NUP210: variants seen among roughly 807,000 people sequenced by gnomAD.
NUP210 encodes nuclear pore membrane glycoprotein 210.
NUP210 carries 151 observed loss-of-function variants against 196.0 expected under a neutral mutation model. The ratio of observed to expected loss-of-function variants is 0.77; its 90% CI spans 0.67 to 0.88. The LOEUF is 0.88. Among genes scored for constraint, NUP210 ranks in the 40% least tolerant of loss-of-function variants. NUP210 has a pLI of 0.00. For synonymous variants in NUP210, 1,070 were observed against 1,052.7 expected, an observed-to-expected ratio of 1.02 and a Z score of -0.32; for missense variants, 2,314 against 2,493.7, an observed-to-expected ratio of 0.93 and a Z score of 1.53.
chr3:13,326,708 G>A (rs894280736), intron 32 of NUP210, among the ~76,000 whole-genome samples: 3 of 152,182 alleles, frequency 2.0e-5, no homozygotes, highest in Admixed American at 6.5e-5. Context: ...CCACTATGGC[G>A]GCCACTTCCC....
chr3:13,346,892 C>T (rs1447823380), intron 20 of NUP210, among the ~76,000 whole-genome samples: 1 of 152,236 alleles, frequency 6.6e-6, no homozygotes, highest in East Asian at 1.9e-4. Flanking sequence ...AAATCACAGG[C>T]ACTGAGTGGG....
In NUP210 at chr3:13,347,440, G is replaced by C. The variant is rs149043309; in HGVS notation, c.2836-4137C>G. ...TTAAATCGGATAAACACTCCTATGTGCAAACCAGCCGAAAACAAAATAAAG... is the reference window on the plus strand; with the variant it reads ...TTAAATCGGATAAACACTCCTATGTCCAAACCAGCCGAAAACAAAATAAAG... On this transcript the variant is annotated intron_variant, in intron 20 of 39. Transcript: ENST00000254508. The surrounding 1 kb of genome is among the most constrained non-coding windows in gnomAD (Gnocchi z 4.7). 44 of 629,664 alleles carry C rather than the reference G, an allele frequency of 7.0e-5. No individual in the cohort carries two copies. The East Asian group carries it at 5.6e-3, about 80-fold the overall frequency. The allele number at this position is 629,664 out of a possible 1,614,324, so 39.0% of individuals were successfully genotyped here. A position where few individuals can be genotyped will look rare whatever the true frequency, so the allele number is the denominator to read the frequency against.
At chr3:13,353,451 A>C in intron 18 of NUP210, 103 bp downstream of exon 18, 1 of 955,004 alleles carries the variant, frequency 1.0e-6, no homozygotes, top group South Asian at 1.4e-5. Context: ...GTGGTCAAGC[A>C]GACAGTGACT....
chr3:13,346,519 C>T (rs866037952), intron 20 of NUP210, among the ~76,000 whole-genome samples: 1 of 152,208 alleles, frequency 6.6e-6, no homozygotes, highest in African/African-American at 2.4e-5. Flanking sequence ...AAAGTTCTGT[C>T]AAGTCAGAGA....
chr3:13,376,382 G>A lies in NUP210; in HGVS notation c.1202C>T (p.Ser401Leu), dbSNP rs1366466764. The change falls in exon 10 of 40, where the codon TCG becomes TTG. Residue 401 changes from serine (S) to leucine (L), a missense_variant. Physicochemically the swap from Ser to Leu is moderately radical, Grantham distance 145. Coordinates refer to ENST00000254508, the MANE Select transcript of NUP210 (RefSeq NM_024923.4). ...ATGGTATGACCCATTCTGGGAGGAC[G>A]AGAGCACCTCGAAGAACTCAGCAGG... ...VLPAEFFEVL[S>L]SSQNGSYHRI... 8.1e-6 allele frequency: 13 copies of A among 1,614,218 alleles called. No homozygotes were observed. The highest frequency in any genetic ancestry group is 3.3e-5 in the South Asian group (3 of 91,086).
At chr3:13,386,533 T>C (rs1699282445) in intron 5 of NUP210, 126 bp from the exon 6 acceptor site, 2 of 1,257,212 alleles carry the variant, frequency 1.6e-6, no homozygotes, top group East Asian at 4.8e-5. Context: ...AAACAAGATA[T>C]CATTCCCAAA....
At chr3:13,341,674 G>T in intron 23 of NUP210, 74 bp downstream of exon 23, 1 of 1,532,512 alleles carries the variant, frequency 6.5e-7, no homozygotes, top group Non-Finnish European at 9.0e-7. Flanking sequence ...TAGCTTCCTG[G>T]ACTGTACTAT....
At chr3:13,319,695 G>T in intron 37 of NUP210, 68 bp downstream of exon 37, 1 of 1,379,372 alleles carries the variant, frequency 7.2e-7, no homozygotes, top group Non-Finnish European at 1.0e-6. Context: ...TCTACTGATA[G>T]CCAGGACCAC....
At chr3:13,371,259 A>G (rs1205970470) in intron 13 of NUP210, among the ~76,000 whole-genome samples, 1 of 152,214 alleles carries the variant, frequency 6.6e-6, no homozygotes. Flanking sequence ...AGGCAGCTAC[A>G]GCTACACAGC....
chr3:13,347,224 C>T lies in NUP210; in HGVS notation c.2836-3921G>A. 2.0e-6 allele frequency: 2 copies of T among 985,310 alleles called. No homozygotes were observed. Among genetic ancestry groups the T allele is most frequent in the Non-Finnish European group, 2.4e-6 (2 of 829,836 alleles). 61.0% of individuals were successfully genotyped at this position (985,310 alleles called of 1,614,324 possible). A position where few individuals can be genotyped will look rare whatever the true frequency, so the allele number is the denominator to read the frequency against. ...GGAGCTGGGCCCCCCGGCTTCATTC[C>T]CTCCTGAATCCGCAGTGCTTAACAC... On this transcript the variant is annotated intron_variant, in intron 20 of 39. Transcript: ENST00000254508. The surrounding 1 kb of genome is among the most constrained non-coding windows in gnomAD (Gnocchi z 4.7).
chr3:13,334,675 G>A (rs182145387), intron 28 of NUP210, among the ~76,000 whole-genome samples: 27 of 152,264 alleles, frequency 1.8e-4, no homozygotes, highest in African/African-American at 5.1e-4. Context: ...GGAGCAGAAC[G>A]AGGCCCTTGA....
chr3:13,410,777 G>A (rs1258622557), intron 1 of NUP210, among the ~76,000 whole-genome samples: 3 of 151,638 alleles, frequency 2.0e-5, no homozygotes, highest in Non-Finnish European at 1.5e-5. Context: ...AATTAGCCGG[G>A]CGTGGTGGCA....
intron 1 of NUP210, among the ~76,000 whole-genome samples, chr3:13,414,880 C>A (rs1364171193): frequency 6.6e-6 from 1 of 152,218 alleles, no homozygotes; most frequent in African/African-American, 2.4e-5. Flanking sequence ...TCCCTGAGAG[C>A]AGGGCATCTC....
In NUP210 at chr3:13,374,212, G is replaced by A. The variant is rs190578781; in HGVS notation, c.1432-339C>T. On this transcript the variant is annotated intron_variant, in intron 11 of 39. Coordinates refer to ENST00000254508, the MANE Select transcript of NUP210 (RefSeq NM_024923.4). Reference sequence around the variant, plus strand: ...TGCACACTCATACACCTACTCATTCGTACACATGCTCACTTACATTTACCT... The same window carrying A: ...TGCACACTCATACACCTACTCATTCATACACATGCTCACTTACATTTACCT... Among the ~76,000 whole-genome samples the A allele has an allele frequency of 6.6e-5, 10 of 152,024 alleles. No homozygotes were observed. The South Asian group carries it at 1.2e-3, about 19-fold the overall frequency.
intron 1 of NUP210, among the ~76,000 whole-genome samples, chr3:13,411,950 C>T (rs7620099): frequency 0.22 from 33,841 of 152,020 alleles, 5,945 homozygotes; most frequent in African/African-American, 0.49. Flanking sequence ...ACCATATTGG[C>T]CAGGCTGGGC....
chr3:13,354,013 T>C lies in NUP210; in HGVS notation c.2423A>G (p.Gln808Arg). The C allele has an allele frequency of 6.2e-7, 1 of 1,609,496 alleles. No homozygotes were observed. Among genetic ancestry groups the C allele is most frequent in the Non-Finnish European group, 8.5e-7 (1 of 1,177,978 alleles). Residue 808 changes from glutamine (Q) to arginine (R), a missense_variant, in exon 17 of 40, where the codon CAG becomes CGG. Transcript: ENST00000254508. Reference sequence around the variant, plus strand: ...CAACACTGGCCTGGTGGACTCCCACTGGATGCTCAGAGAGCTGAAGTTGTC... The same window carrying C: ...CAACACTGGCCTGGTGGACTCCCACCGGATGCTCAGAGAGCTGAAGTTGTC... Reference protein sequence around the residue: ...RFDNFSSLSIQWESTRPVLAS... With the variant: ...RFDNFSSLSIRWESTRPVLAS...
Position 13,353,915 on chromosome 3 carries a change from C to G in NUP210, c.2521G>C (p.Gly841Arg). 6.2e-7 allele frequency: 1 copy of G among 1,605,424 alleles called. No homozygotes were observed. The highest frequency in any genetic ancestry group is 1.8e-4 in the Middle Eastern group (1 of 5,468). ...DDESGQKKLH[G>R]LQAILVHEAS... ...GCCATCAGGCTTGTGCCCAGCTCAC[C>G]GTGCAGCTTCTTTTGGCCACTCTCA... Residue 841 changes from glycine (G) to arginine (R), a missense_variant and splice_region_variant, in exon 17 of 40, where the codon GGT becomes CGT. By Grantham distance (125) the Gly-to-Arg change is moderately radical. Coordinates refer to ENST00000254508, the MANE Select transcript of NUP210 (RefSeq NM_024923.4).
At chr3:13,371,173 T>C (rs1464215049) in intron 13 of NUP210, among the ~76,000 whole-genome samples, 4 of 152,136 alleles carry the variant, frequency 2.6e-5, no homozygotes, top group African/African-American at 9.7e-5. Context: ...GTTTCACAGG[T>C]GAGTAAAGCC....
rs1576397086 is a variant in NUP210, at chr3:13,375,652, T to G, written c.1294-11A>C. On this transcript the variant is annotated splice_polypyrimidine_tract_variant and intron_variant, in intron 10 of 39. Transcript: ENST00000254508. The stretch of plus-strand genomic sequence containing the variant: ...GTGGACCCCTCCATCCTACAAGGGG[T>G]GAGGGTGCCACACGTAACCATGACA... 1 of 1,611,034 alleles carries G rather than the reference T, an allele frequency of 6.2e-7. No homozygotes were observed. Among genetic ancestry groups the G allele is most frequent in the South Asian group, 1.1e-5 (1 of 90,828 alleles).
Sources: allele counts gnomAD v4.1 joint callset (sites outside exome capture counted in the v4.1 genomes callset), GRCh38; gene constraint gnomAD v4.1.1; non-coding constraint Gnocchi (gnomAD v3.1); transcripts MANE v1.5; gene names NCBI Gene and HGNC (gene_info 2026-07-23, HGNC 2026-07-21).